Variants in ANKS1B observed in about 807,000 individuals in gnomAD.
ANKS1B encodes the protein ankyrin repeat and sterile alpha motif domain-containing protein 1B.
ANKS1B carries 36 observed loss-of-function variants against 148.3 expected under a neutral mutation model. That is an observed-to-expected ratio of 0.24 (90% CI 0.19 to 0.32). The LOEUF (loss-of-function observed/expected upper bound fraction) is 0.32. Ranked by LOEUF, ANKS1B falls within the 10% of genes least tolerant of loss-of-function variation. The probability of loss-of-function intolerance (pLI) is 1.00; values close to 1 mark genes in which losing one functional copy is unlikely to be tolerated. For synonymous variants in ANKS1B, 542 were observed against 560.8 expected (o/e 0.97, Z 0.47); for missense variants, 1,157 against 1,542.6 (o/e 0.75, Z 4.19).
chr12:99,008,521 G>A (rs1011412558), intron 17 of ANKS1B, among the ~76,000 whole-genome samples: 1 of 152,066 alleles, frequency 6.6e-6, no homozygotes, highest in Admixed American at 6.5e-5. Flanking sequence ...ACTTTTTCAT[G>A]CCCAGAAAAG....
chr12:98,846,542 C>T (rs147863743), intron 17 of ANKS1B, among the ~76,000 whole-genome samples: 13 of 152,324 alleles, frequency 8.5e-5, no homozygotes, highest in African/African-American at 3.1e-4. Flanking sequence ...GAGCCGAAAA[C>T]CTCTTTTGTA....
intron 9 of ANKS1B, among the ~76,000 whole-genome samples, chr12:99,586,887 T>A (rs535966830): frequency 6.6e-6 from 1 of 152,084 alleles, no homozygotes; most frequent in Non-Finnish European, 1.5e-5. Flanking sequence ...CCTGCCCCCA[T>A]GATTCAATAA....
rs541093279 is a variant in ANKS1B, at chr12:98,901,621, C to T, written c.2779-69485G>A. Among the ~76,000 whole-genome samples the T allele has an allele frequency of 7.8e-4, 119 of 152,200 alleles. 1 individual carries two copies. The highest frequency in any genetic ancestry group is 2.0e-3 in the African/African-American group (82 of 41,518). ...ATGTAGAGAGCAGGGTTTTCAATTT[C>T]GCAAAATAAATAAATGAATAAATGT... On this transcript the variant is annotated intron_variant, in intron 17 of 26. Transcript: ENST00000683438.
chr12:99,782,176 TTACA>T, intron 4 of ANKS1B, 79 bp from the exon 5 acceptor site: 5 of 1,139,182 alleles, frequency 4.4e-6, no homozygotes, highest in Non-Finnish European at 6.3e-6. Context: ...TGCTCACATT[TTACA>T]TATTCATACA....
intron 12 of ANKS1B, among the ~76,000 whole-genome samples, chr12:99,257,606 C>T (rs1339818625): frequency 6.6e-6 from 1 of 151,760 alleles, no homozygotes; most frequent in East Asian, 1.9e-4. Flanking sequence ...GGTTCTATTT[C>T]TTGTTTCCTA....
At chr12:99,926,417 T>C (rs569510206) in intron 1 of ANKS1B, among the ~76,000 whole-genome samples, 1 of 152,308 alleles carries the variant, frequency 6.6e-6, no homozygotes, top group African/African-American at 2.4e-5. Flanking sequence ...AAAGTCTGGA[T>C]AGAACAAAAA....
At chr12:99,336,200 A>T (rs895541377) in intron 12 of ANKS1B, among the ~76,000 whole-genome samples, 1 of 151,882 alleles carries the variant, frequency 6.6e-6, no homozygotes, top group African/African-American at 2.4e-5. Flanking sequence ...TCTTTTGCCC[A>T]TTTTTTAATT....
At chr12:99,485,213 T>A (rs1473479233) in intron 10 of ANKS1B, among the ~76,000 whole-genome samples, 1 of 152,092 alleles carries the variant, frequency 6.6e-6, no homozygotes, top group Non-Finnish European at 1.5e-5. Flanking sequence ...GGTTTGGTAA[T>A]GACAAATTCC....
rs1160915276 is a variant in ANKS1B, at chr12:99,383,849, C to CAA, written c.1756+15780_1756+15781dup. On this transcript the variant is annotated intron_variant, in intron 12 of 26. Transcript: ENST00000683438. ...GCAATGTGGTGAAACCCCATCTCTACAAAAAAAAAAAAAAAAAAGAAAAGA... is the reference window on the plus strand; with the variant it reads ...GCAATGTGGTGAAACCCCATCTCTACAAAAAAAAAAAAAAAAAAAAGAAAAGA... Among the ~76,000 whole-genome samples the CAA allele has an allele frequency of 6.9e-3, 540 of 77,720 alleles. 8 individuals carry two copies. Among genetic ancestry groups the CAA allele is most frequent in the African/African-American group, 0.023 (512 of 22,168 alleles). The allele number at this position is 77,720 out of a possible 152,430, so 51.0% of individuals were successfully genotyped here.
intron 8 of ANKS1B, among the ~76,000 whole-genome samples, chr12:99,727,638 A>G (rs1469813179): frequency 1.3e-5 from 2 of 152,222 alleles, no homozygotes; most frequent in Non-Finnish European, 2.9e-5. Flanking sequence ...AGAAAAAACT[A>G]TTTTAAATTT....
intron 1 of ANKS1B, among the ~76,000 whole-genome samples, chr12:99,880,525 G>A (rs914373840): frequency 6.6e-6 from 1 of 152,110 alleles, no homozygotes; most frequent in African/African-American, 2.4e-5. Flanking sequence ...CTTAAAGGAA[G>A]ATTTCAAAAC....
chr12:98,968,393 G>C (rs1597753544), intron 17 of ANKS1B, among the ~76,000 whole-genome samples: 1 of 152,074 alleles, frequency 6.6e-6, no homozygotes, highest in East Asian at 1.9e-4. Flanking sequence ...GTCTTAACAA[G>C]CTCTCCAGTG....
intron 8 of ANKS1B, among the ~76,000 whole-genome samples, chr12:99,656,935 T>C (rs1333053949): frequency 1.3e-5 from 2 of 152,132 alleles, no homozygotes; most frequent in African/African-American, 4.8e-5. Flanking sequence ...AAATAGAATA[T>C]AAGATTTTAT....
chr12:99,011,116 T>C (rs892008800), intron 17 of ANKS1B, among the ~76,000 whole-genome samples: 4 of 152,086 alleles, frequency 2.6e-5, no homozygotes, highest in African/African-American at 7.2e-5. Context: ...CCTCCCACCC[T>C]GACTGCAGCC....
chr12:99,155,553 TA>T (rs1566501956), intron 14 of ANKS1B, among the ~76,000 whole-genome samples: 3 of 152,070 alleles, frequency 2.0e-5, no homozygotes, highest in Non-Finnish European at 2.9e-5. Flanking sequence ...TTTTTTTTAA[TA>T]AAGAAGATGA....
intron 11 of ANKS1B, among the ~76,000 whole-genome samples, chr12:99,440,293 T>TG (rs1208300525): frequency 6.6e-6 from 1 of 151,844 alleles, no homozygotes; most frequent in East Asian, 1.9e-4. Flanking sequence ...TCTTCAATTG[T>TG]GAAAAACAAG....
intron 12 of ANKS1B, among the ~76,000 whole-genome samples, chr12:99,265,250 A>C (rs2076331043): frequency 6.6e-6 from 1 of 152,192 alleles, no homozygotes; most frequent in Non-Finnish European, 1.5e-5. Context: ...GAAAATTCTT[A>C]GGCCTTGCTC....
At chr12:98,993,277 T>TA (rs1400995417) in intron 17 of ANKS1B, among the ~76,000 whole-genome samples, 1 of 152,168 alleles carries the variant, frequency 6.6e-6, no homozygotes, top group African/African-American at 2.4e-5. Flanking sequence ...CAGCGATTCA[T>TA]ACACCTCAGC....
chr12:98,815,697 A>G (rs960182805), intron 19 of ANKS1B, among the ~76,000 whole-genome samples: 1 of 152,122 alleles, frequency 6.6e-6, no homozygotes, highest in Admixed American at 6.5e-5. Flanking sequence ...CCTCAGGTTC[A>G]CAATGCTGGA....
Sources: gnomAD v4.1 joint callset for allele counts (sites outside exome capture counted in the v4.1 genomes callset) on GRCh38, gnomAD v4.1.1 for gene constraint, MANE v1.5 for transcripts, NCBI Gene and HGNC (gene_info 2026-07-23, HGNC 2026-07-21) for gene names.